The following GAN variants were observed in gnomAD, a reference collection of about 807,000 sequenced individuals.
GAN encodes gigaxonin.
GAN carries 48 observed loss-of-function variants against 71.3 expected under a neutral mutation model. That is an observed-to-expected ratio of 0.67 (90% CI 0.53 to 0.86). The LOEUF (loss-of-function observed/expected upper bound fraction) is 0.86, where lower values mean the gene tolerates loss of function less well. Among genes scored for constraint, GAN ranks in the 40% least tolerant of loss-of-function variants. The pLI, the probability that GAN is intolerant of heterozygous loss-of-function variation, is 0.00. For synonymous variants in GAN, 386 were observed against 276.8 expected, an observed-to-expected ratio of 1.39 and a Z score of -3.92; for missense variants, 928 against 770.1, an observed-to-expected ratio of 1.21 and a Z score of -2.43.
rs368407471 is a variant in GAN, at chr16:81,362,573, G to A, written c.1048G>A (p.Asp350Asn). ...TLSSGEKYDP[D>N]ANTWTALPPM... ...TAGCTCAGGAGAAAAGTATGATCCAGATGCAAATACATGGACAGCATTGCC... is the reference window on the plus strand; with the variant it reads ...TAGCTCAGGAGAAAAGTATGATCCAAATGCAAATACATGGACAGCATTGCC... Residue 350 changes from aspartate (D) to asparagine (N), a missense_variant, in exon 6 of 11, where the codon GAT (aspartate) becomes AAT (asparagine). By Grantham distance (23) the Asp-to-Asn change is conservative (BLOSUM62 1). Coordinates refer to ENST00000648994, the MANE Select transcript of GAN (RefSeq NM_022041.4). 7 of 1,605,078 alleles carry A rather than the reference G, an allele frequency of 4.4e-6. No individual in the cohort carries two copies. The African/African-American group carries it at 9.4e-5, about 21-fold the overall frequency.
intron 1 of GAN, among the ~76,000 whole-genome samples, chr16:81,328,436 C>T (rs991557838): frequency 6.6e-6 from 1 of 152,130 alleles, no homozygotes; most frequent in Non-Finnish European, 1.5e-5. Context: ...ATTCTCTTTG[C>T]CATTTAATTT....
At chr16:81,329,698 C>A (rs1282902793) in intron 1 of GAN, among the ~76,000 whole-genome samples, 1 of 152,220 alleles carries the variant, frequency 6.6e-6, no homozygotes, top group African/African-American at 2.4e-5. Flanking sequence ...CTCCAGGCTT[C>A]TGTGGCACCT....
Position 81,354,461 on chromosome 16 carries a change from A to T in GAN, c.339A>T (p.Leu113=). ...QDVVQAADLL[L]LTDLKTLCCE... is the part of the protein sequence containing the mutation. Reference sequence around the variant, plus strand: ...TTGTTCAGGCAGCTGACCTGCTGCTACTGACGGACCTTAAAACCCTGTGCT... The same window carrying T: ...TTGTTCAGGCAGCTGACCTGCTGCTTCTGACGGACCTTAAAACCCTGTGCT... The change falls in exon 3 of 11, where the codon CTA becomes CTT. Residue 113 remains leucine, a synonymous_variant. Coordinates refer to ENST00000648994, the MANE Select transcript of GAN (RefSeq NM_022041.4). The T allele has an allele frequency of 1.2e-6, 2 of 1,614,094 alleles. No homozygotes were observed. The highest frequency in any genetic ancestry group is 1.7e-6 in the Non-Finnish European group (2 of 1,179,910).
At chr16:81,326,946 A>G (rs752919921) in intron 1 of GAN, among the ~76,000 whole-genome samples, 24 of 152,258 alleles carry the variant, frequency 1.6e-4, no homozygotes, top group Non-Finnish European at 3.1e-4. Context: ...GATGCTGAAT[A>G]TACTACATCC....
intron 10 of GAN, 31 bp from the exon 11 acceptor site, chr16:81,377,384 T>G: frequency 3.7e-6 from 6 of 1,608,030 alleles, no homozygotes; most frequent in Non-Finnish European, 5.1e-6. Flanking sequence ...CTGGGTACAT[T>G]TTCTCACCCT....
rs987801625 is a variant in GAN at position 81,389,367 on chromosome 16, A to G, written c.*11771A>G. On this transcript the variant is annotated 3_prime_UTR_variant, in exon 11 of 11. Coordinates refer to ENST00000648994, the MANE Select transcript of GAN (RefSeq NM_022041.4). The stretch of plus-strand genomic sequence containing the variant: ...ATCATACCTTTTGTGAATTGTGACA[A>G]CCATCCCGTAATCATTGTGGCCTCA... 6.6e-5 allele frequency: 10 copies of G among 152,134 alleles called. No individual in the cohort carries two copies. Among genetic ancestry groups the G allele is most frequent in the African/African-American group, 2.4e-4 (10 of 41,426 alleles). The allele number at this position is 152,134 out of a possible 1,614,324, so 9.4% of individuals were successfully genotyped here.
intron 1 of GAN, among the ~76,000 whole-genome samples, chr16:81,332,330 C>A (rs1169024600): frequency 6.6e-6 from 1 of 152,174 alleles, no homozygotes; most frequent in Non-Finnish European, 1.5e-5. Flanking sequence ...GTTTCAGCAA[C>A]TGGGCTTGTG....
intron 1 of GAN, among the ~76,000 whole-genome samples, chr16:81,350,164 T>G (rs901098989): frequency 6.6e-6 from 1 of 152,156 alleles, no homozygotes; most frequent in Non-Finnish European, 1.5e-5. Context: ...AAAGAACTCC[T>G]ACACCGCAAT....
At chr16:81,376,902 G>A (rs1904283355) in intron 9 of GAN, among the ~76,000 whole-genome samples, 1 of 152,256 alleles carries the variant, frequency 6.6e-6, no homozygotes, top group Non-Finnish European at 1.5e-5. Flanking sequence ...ATGGAGTACT[G>A]CTTAGAAATA....
intron 9 of GAN, among the ~76,000 whole-genome samples, chr16:81,370,955 C>G (rs1424134500): frequency 6.6e-6 from 1 of 151,778 alleles, no homozygotes; most frequent in African/African-American, 2.4e-5. Flanking sequence ...CCACAGAGCA[C>G]CACTCTAGCT....
At chr16:81,329,636 C>T (rs988953956) in intron 1 of GAN, among the ~76,000 whole-genome samples, 2 of 152,166 alleles carry the variant, frequency 1.3e-5, no homozygotes, top group Non-Finnish European at 2.9e-5. Context: ...CTTGACCTGT[C>T]TGCTGTATTT....
At chr16:81,345,995 G>A (rs1484099058) in intron 1 of GAN, among the ~76,000 whole-genome samples, 1 of 152,152 alleles carries the variant, frequency 6.6e-6, no homozygotes, top group Non-Finnish European at 1.5e-5. Context: ...ACATGCGCAA[G>A]CAAGTACAGC....
intron 3 of GAN, 27 bp downstream of exon 3, chr16:81,354,782 A>G (rs765471573): frequency 2.2e-6 from 3 of 1,358,940 alleles, no homozygotes; most frequent in Middle Eastern, 1.9e-4. Context: ...ACATGGTCAA[A>G]TTTGCCTTTT....
intron 1 of GAN, among the ~76,000 whole-genome samples, chr16:81,340,419 C>T (rs1335753108): frequency 3.3e-5 from 5 of 152,210 alleles, no homozygotes; most frequent in African/African-American, 9.6e-5. Flanking sequence ...CCCTCTGGGG[C>T]GAAGCTTCCA....
chr16:81,355,613 C>G (rs571451603), intron 3 of GAN, among the ~76,000 whole-genome samples: 3 of 152,310 alleles, frequency 2.0e-5, no homozygotes, highest in African/African-American at 4.8e-5. Flanking sequence ...TCCTCCCACT[C>G]TAGCTTCCCA....
chr16:81,371,288 C>T (rs1215675626), intron 9 of GAN, among the ~76,000 whole-genome samples: 3 of 152,184 alleles, frequency 2.0e-5, no homozygotes, highest in Non-Finnish European at 4.4e-5. Flanking sequence ...ATTCCAGTAT[C>T]TGAGTCATCT....
In GAN at chr16:81,377,892, G is replaced by A. The variant is rs181881953; in HGVS notation, c.*296G>A. 2.1e-4 allele frequency: 92 copies of A among 436,834 alleles called. 2 individuals are homozygous for A. Among genetic ancestry groups the A allele is most frequent in the East Asian group, 1.1e-3 (25 of 22,254 alleles). 27.1% of individuals were successfully genotyped at this position (436,834 alleles called of 1,614,324 possible). A position where few individuals can be genotyped will look rare whatever the true frequency, so the allele number is the denominator to read the frequency against. ...AAAAGGGAGTGGGAATTGCTATCAT[G>A]TAAAATATCAAAGTTAAAATACTAA... On this transcript the variant is annotated 3_prime_UTR_variant, in exon 11 of 11. Transcript: ENST00000648994.
chr16:81,315,053 CGA>C lies in GAN; in HGVS notation c.-59_-58del, dbSNP rs1480865846. On this transcript the variant is annotated 5_prime_UTR_variant, in exon 1 of 11. Transcript: ENST00000648994. Reference sequence around the variant, plus strand: ...GCGCGCGCGCAGGACTCGGGCCGCTCGAGGGGTCCGGCCGGACGGTGTCGGGA... The same window carrying C: ...GCGCGCGCGCAGGACTCGGGCCGCTCGGGGTCCGGCCGGACGGTGTCGGGA... 1 of 1,344,472 alleles carries C rather than the reference CGA, an allele frequency of 7.4e-7. No individual in the cohort carries two copies. Among genetic ancestry groups the C allele is most frequent in the African/African-American group, 1.5e-5 (1 of 65,108 alleles). 83.3% of individuals were successfully genotyped at this position (1,344,472 alleles called of 1,614,324 possible).
chr16:81,356,108 C>T (rs1000503750), intron 3 of GAN, among the ~76,000 whole-genome samples: 1 of 152,168 alleles, frequency 6.6e-6, no homozygotes, highest in African/African-American at 2.4e-5. Flanking sequence ...GCTGGGAAAA[C>T]GAGGCAGTTC....
Sources: gnomAD v4.1 joint callset for allele counts (sites outside exome capture counted in the v4.1 genomes callset) on GRCh38, gnomAD v4.1.1 for gene constraint, MANE v1.5 for transcripts, NCBI Gene and HGNC (gene_info 2026-07-23, HGNC 2026-07-21) for gene names.